The following COL21A1 variants were observed in gnomAD, a reference collection of about 807,000 sequenced individuals.
COL21A1 encodes collagen alpha-1(XXI) chain.
Under a neutral mutation model 137.9 loss-of-function variants are expected in COL21A1, and 149 were observed. The ratio of observed to expected loss-of-function variants is 1.08; its 90% CI spans 0.95 to 1.24. The LOEUF (loss-of-function observed/expected upper bound fraction) is 1.24, where lower values mean the gene tolerates loss of function less well. COL21A1 is among the 50% of genes most tolerant of loss of function. COL21A1 has a pLI of 0.00. For missense variants in COL21A1, 1,167 were observed against 1,158.4 expected (o/e 1.01, Z -0.11); for synonymous variants, 456 against 391.5 (o/e 1.16, Z -1.95).
intron 16 of COL21A1, among the ~76,000 whole-genome samples, chr6:56,106,190 C>T (rs1251739477): frequency 6.6e-6 from 1 of 152,080 alleles, no homozygotes; most frequent in Non-Finnish European, 1.5e-5. Context: ...CTTTTTTCTC[C>T]TTCTGCCAAC....
chr6:56,075,531 C>G lies in COL21A1; in HGVS notation c.1859G>C (p.Gly620Ala). Residue 620 changes from glycine (G) to alanine (A), a missense_variant and splice_region_variant, in exon 19 of 30, where the codon GGA (glycine) becomes GCA (alanine). By Grantham distance (60) the Gly-to-Ala change is moderately conservative (BLOSUM62 0). Transcript: ENST00000244728. ...TTGCTGTCCTGGAGGCCCAATTTCT[C>G]CCTAAAAAAATCAAACATTAAAAAC... ...PGNRGLMGQK[G>A]EIGPPGQQGK... 2 of 1,515,766 alleles carry G rather than the reference C, an allele frequency of 1.3e-6. No individual in the cohort carries two copies. Among genetic ancestry groups the G allele is most frequent in the Non-Finnish European group, 1.8e-6 (2 of 1,133,198 alleles). 93.9% of individuals were successfully genotyped at this position (1,515,766 alleles called of 1,614,324 possible). A position where few individuals can be genotyped will look rare whatever the true frequency, so the allele number is the denominator to read the frequency against.
At chr6:56,145,364 A>G (rs1277403905) in intron 10 of COL21A1, among the ~76,000 whole-genome samples, 4 of 152,234 alleles carry the variant, frequency 2.6e-5, no homozygotes. Context: ...ATGCTGTTTT[A>G]GAAGCTACAG....
intron 1 of COL21A1, among the ~76,000 whole-genome samples, chr6:56,227,586 G>A (rs1287578115): frequency 1.3e-5 from 2 of 152,078 alleles, no homozygotes; most frequent in Non-Finnish European, 2.9e-5. Context: ...TGTTTAGATT[G>A]TAAAAGAAAG....
chr6:56,330,238 A>T (rs1020970140), intron 1 of COL21A1, among the ~76,000 whole-genome samples: 1 of 152,112 alleles, frequency 6.6e-6, no homozygotes, highest in African/African-American at 2.4e-5. Flanking sequence ...GGAAATTATT[A>T]AGATAGATTT....
intron 12 of COL21A1, chr6:56,126,487 G>A: frequency 4.8e-6 from 1 of 209,052 alleles, no homozygotes; most frequent in Non-Finnish European, 9.5e-6. Context: ...AACACACTCA[G>A]GAAACAGTTA....
chr6:56,286,300 C>CACT (rs1763910637), intron 1 of COL21A1, among the ~76,000 whole-genome samples: 1 of 152,196 alleles, frequency 6.6e-6, no homozygotes, highest in Admixed American at 6.5e-5. Context: ...CATGTACACA[C>CACT]ACTAATTTGT....
chr6:56,166,849 T>C (rs761864144), intron 7 of COL21A1, 57 bp downstream of exon 7: 9 of 1,264,108 alleles, frequency 7.1e-6, no homozygotes, highest in Non-Finnish European at 1.0e-5. Flanking sequence ...GCTTTTTATT[T>C]ATTGCTTTGA....
intron 28 of COL21A1, among the ~76,000 whole-genome samples, chr6:56,059,504 T>A (rs1304373778): frequency 1.3e-5 from 2 of 152,142 alleles, no homozygotes; most frequent in African/African-American, 4.8e-5. Context: ...TTAATCATAG[T>A]TTTTTAAAAT....
intron 24 of COL21A1, among the ~76,000 whole-genome samples, chr6:56,064,080 G>C (rs1454398205): frequency 6.6e-6 from 1 of 152,108 alleles, no homozygotes; most frequent in Non-Finnish European, 1.5e-5. Flanking sequence ...CCATCTTACT[G>C]TGTGTCTGTT....
At chr6:56,195,562 A>T (rs1195794382) in intron 1 of COL21A1, among the ~76,000 whole-genome samples, 1 of 152,130 alleles carries the variant, frequency 6.6e-6, no homozygotes, top group Non-Finnish European at 1.5e-5. Context: ...AAGAGGAGCC[A>T]TTATAAATGA....
intron 3 of COL21A1, among the ~76,000 whole-genome samples, chr6:56,178,704 C>T (rs1393801536): frequency 1.3e-5 from 2 of 151,958 alleles, no homozygotes; most frequent in African/African-American, 4.8e-5. Flanking sequence ...TATCTATGCC[C>T]TAATAGGATT....
rs112527985 is a variant in COL21A1 at position 56,332,734 on chromosome 6, T to C, written c.-39+61237A>G. ...TTAACTAGATAGAGAGTGTCATCTT[T>C]CTACTCAGTTATAATTTGCTTTTGT... On this transcript the variant is annotated intron_variant, in intron 1 of 28. Coordinates refer to the COL21A1 transcript ENST00000370819. Among the ~76,000 whole-genome samples the C allele has an allele frequency of 3.0e-3, 449 of 152,116 alleles. 1 individual carries two copies. Among genetic ancestry groups the C allele is most frequent in the African/African-American group, 0.011 (438 of 41,520 alleles).
At chr6:56,279,502 A>C (rs1318354493) in intron 1 of COL21A1, among the ~76,000 whole-genome samples, 1 of 152,166 alleles carries the variant, frequency 6.6e-6, no homozygotes, top group African/African-American at 2.4e-5. Context: ...TTCTCTTGGC[A>C]ATCAAGCAGC....
intron 1 of COL21A1, among the ~76,000 whole-genome samples, chr6:56,298,600 C>T (rs1266366135): frequency 1.3e-5 from 2 of 152,122 alleles, no homozygotes; most frequent in Admixed American, 6.6e-5. Flanking sequence ...GCCCCAAGGT[C>T]TAAAGAGTTG....
At chr6:56,304,252 G>C (rs970054957) in intron 1 of COL21A1, among the ~76,000 whole-genome samples, 4 of 152,042 alleles carry the variant, frequency 2.6e-5, no homozygotes, top group Non-Finnish European at 5.9e-5. Context: ...CTCATAAAAT[G>C]AGTTAGGGAG....
intron 17 of COL21A1, among the ~76,000 whole-genome samples, chr6:56,083,762 G>T (rs1268929258): frequency 6.6e-6 from 1 of 151,926 alleles, no homozygotes; most frequent in Non-Finnish European, 1.5e-5. Flanking sequence ...ACAAGCTGAT[G>T]TAATTTGTTA....
At chr6:56,112,764 A>T (rs1179179586) in intron 16 of COL21A1, among the ~76,000 whole-genome samples, 2 of 145,972 alleles carry the variant, frequency 1.4e-5, no homozygotes, top group African/African-American at 5.2e-5. Flanking sequence ...GGCTCACTGC[A>T]ACCTCCGCCT....
At chr6:56,250,599 T>TA (rs1782833322), upstream of COL21A1, among the ~76,000 whole-genome samples, 1 of 152,164 alleles carries the variant, frequency 6.6e-6, no homozygotes, top group South Asian at 2.1e-4. Flanking sequence ...GCCTCAGCCC[T>TA]AGCCAACACT....
At chr6:56,118,152 T>TG (rs398110157) in intron 16 of COL21A1, among the ~76,000 whole-genome samples, 1 of 149,678 alleles carries the variant, frequency 6.7e-6, no homozygotes, top group Non-Finnish European at 1.5e-5. Flanking sequence ...TTGTTTTTTT[T>TG]GAAAAGACAA....
Sources: allele counts gnomAD v4.1 joint callset (sites outside exome capture counted in the v4.1 genomes callset), GRCh38; gene constraint gnomAD v4.1.1; transcripts MANE v1.5; gene names NCBI Gene and HGNC (gene_info 2026-07-23, HGNC 2026-07-21).